The following ULK4 variants were observed in gnomAD, a reference collection of about 807,000 sequenced individuals.
The protein encoded by ULK4 is unc-51 like kinase 4.
In ULK4, 133 loss-of-function variants were observed where a neutral mutation model predicts 160.6. The ratio of observed to expected loss-of-function variants is 0.83; its 90% CI spans 0.72 to 0.96. The LOEUF (loss-of-function observed/expected upper bound fraction) is 0.96. Among genes scored for constraint, ULK4 ranks in the 40% least tolerant of loss-of-function variants. The pLI is 0.00. For missense variants in ULK4, 1,580 were observed against 1,499.5 expected (o/e 1.05, Z -0.89); for synonymous variants, 534 against 539.8 (o/e 0.99, Z 0.15).
chr3:41,574,699 T>C (rs879792413), intron 31 of ULK4, among the ~76,000 whole-genome samples: 9 of 151,964 alleles, frequency 5.9e-5, no homozygotes, highest in Non-Finnish European at 1.3e-4. Context: ...CTGCCCACCA[T>C]GCCTGGCTAA....
At chr3:41,922,987 C>A (rs1028388234) in intron 5 of ULK4, among the ~76,000 whole-genome samples, 1 of 151,850 alleles carries the variant, frequency 6.6e-6, no homozygotes, top group African/African-American at 2.4e-5. Flanking sequence ...GCCTGGCCAA[C>A]ATAGTGAAAC....
chr3:41,696,102 G>C (rs1575580062), intron 27 of ULK4, among the ~76,000 whole-genome samples: 1 of 152,144 alleles, frequency 6.6e-6, no homozygotes, highest in Non-Finnish European at 1.5e-5. Flanking sequence ...GAACGGGAAA[G>C]GCAATCTCCC....
At chr3:41,539,465 C>T (rs1292465470) in intron 32 of ULK4, among the ~76,000 whole-genome samples, 1 of 152,136 alleles carries the variant, frequency 6.6e-6, no homozygotes, top group African/African-American at 2.4e-5. Context: ...TGTTACCCTA[C>T]TACTCTCCAA....
rs1314386725 is a variant in ULK4, at chr3:41,646,983, A to G, written c.3071+16624T>C. Among the ~76,000 whole-genome samples the G allele has an allele frequency of 3.3e-5, 5 of 152,298 alleles. No individual in the cohort carries two copies. The East Asian group carries it at 9.7e-4, about 29-fold the overall frequency. ...GATACCCTTTCTTCCAGTTGATCGC[A>G]TCGGCTCCTGAGGCTTCTGCATTCT... On this transcript the variant is annotated intron_variant, in intron 30 of 36. Transcript: ENST00000301831.
Position 41,497,445 on chromosome 3 carries a change from G to A in ULK4, c.3227-34192C>T, listed in dbSNP as rs75494167. Reference sequence around the variant, plus strand: ...TATACATAATAATTGGGGTTCAAGAGGAAAAAGAAAGAATGGAAGAAAAAA... The same window carrying A: ...TATACATAATAATTGGGGTTCAAGAAGAAAAAGAAAGAATGGAAGAAAAAA... On this transcript the variant is annotated intron_variant, in intron 32 of 36. Transcript: ENST00000301831. Among the ~76,000 whole-genome samples, 20 of 151,878 alleles carry A rather than the reference G, an allele frequency of 1.3e-4. No individual in the cohort carries two copies. In the East Asian group the frequency reaches 3.5e-3, roughly 26 times the overall value.
chr3:41,904,109 G>A (rs1207780505), intron 12 of ULK4, among the ~76,000 whole-genome samples: 1 of 150,854 alleles, frequency 6.6e-6, no homozygotes, highest in Non-Finnish European at 1.5e-5. Flanking sequence ...TATATGTTTT[G>A]TAATAGAATA....
intron 32 of ULK4, among the ~76,000 whole-genome samples, chr3:41,492,494 T>C (rs1466484179): frequency 1.3e-5 from 2 of 150,376 alleles, no homozygotes; most frequent in African/African-American, 2.5e-5. Context: ...TAAAGACCAT[T>C]GAGACTAGGA....
intron 34 of ULK4, among the ~76,000 whole-genome samples, chr3:41,440,136 C>A (rs2083130678): frequency 6.6e-6 from 1 of 152,138 alleles, no homozygotes; most frequent in African/African-American, 2.4e-5. Context: ...ATCATGTCAT[C>A]TATGGATAAA....
chr3:41,838,278 G>A lies in ULK4; in HGVS notation c.1657-2307C>T, dbSNP rs180742696. On this transcript the variant is annotated intron_variant, in intron 17 of 36. Coordinates refer to ENST00000301831, the MANE Select transcript of ULK4 (RefSeq NM_017886.4). ...TATTAAGTTTTCTAAATTATCTTTC[G>A]TAGTTGAGCAAAAATTGTAAAAATG... is the stretch of plus-strand genomic sequence containing the variant. Among the ~76,000 whole-genome samples the A allele has an allele frequency of 4.1e-4, 62 of 152,214 alleles. 1 individual carries two copies. Among genetic ancestry groups the A allele is most frequent in the Admixed American group, 1.3e-3 (20 of 15,288 alleles).
intron 32 of ULK4, among the ~76,000 whole-genome samples, chr3:41,550,053 A>G (rs2087004684): frequency 6.6e-6 from 1 of 152,148 alleles, no homozygotes; most frequent in Admixed American, 6.5e-5. Context: ...CACACAAAAA[A>G]TGCTTAAAGG....
At chr3:41,793,144 G>C (rs755013280) in intron 20 of ULK4, among the ~76,000 whole-genome samples, 3 of 150,954 alleles carry the variant, frequency 2.0e-5, no homozygotes, top group African/African-American at 4.9e-5. Context: ...CTGCATTCCA[G>C]CCTGGGCAAC....
chr3:41,734,399 T>G (rs550435409), intron 22 of ULK4, among the ~76,000 whole-genome samples: 1 of 152,278 alleles, frequency 6.6e-6, no homozygotes, highest in East Asian at 1.9e-4. Context: ...ATGGGAGAGT[T>G]AGAAAGCATA....
intron 21 of ULK4, among the ~76,000 whole-genome samples, chr3:41,762,650 T>A (rs998143068): frequency 1.4e-5 from 2 of 145,586 alleles, no homozygotes; most frequent in Non-Finnish European, 3.0e-5. Context: ...CCAGGAAGTG[T>A]TACACTTTTT....
At chr3:41,889,576 A>G (rs1697842976) in intron 16 of ULK4, among the ~76,000 whole-genome samples, 1 of 152,184 alleles carries the variant, frequency 6.6e-6, no homozygotes. Flanking sequence ...AGAAACAATA[A>G]CAATTGGTAC....
At chr3:41,770,510 CTTTTTTTTT>C (rs560284136) in intron 21 of ULK4, among the ~76,000 whole-genome samples, 15 of 135,514 alleles carry the variant, frequency 1.1e-4, no homozygotes, top group African/African-American at 3.9e-4. Flanking sequence ...TAGAAAGATA[CTTTTTTTTT>C]TTTTTTTTGA....
intron 30 of ULK4, among the ~76,000 whole-genome samples, chr3:41,654,189 G>C (rs912874955): frequency 6.6e-6 from 1 of 152,122 alleles, no homozygotes; most frequent in Non-Finnish European, 1.5e-5. Flanking sequence ...TCTATTGCAA[G>C]GACAACATGT....
At chr3:41,646,412 T>C (rs2034492727) in intron 30 of ULK4, among the ~76,000 whole-genome samples, 1 of 152,240 alleles carries the variant, frequency 6.6e-6, no homozygotes, top group Non-Finnish European at 1.5e-5. Flanking sequence ...TGTCAGCATT[T>C]GCTTGTCTGT....
At chr3:41,432,019 C>T (rs2125847489) in intron 34 of ULK4, among the ~76,000 whole-genome samples, 1 of 152,154 alleles carries the variant, frequency 6.6e-6, no homozygotes, top group East Asian at 1.9e-4. Context: ...TCTCGATCTC[C>T]TGACCTCGTG....
chr3:41,292,606 C>T (rs2079592624), intron 35 of ULK4, among the ~76,000 whole-genome samples: 1 of 151,092 alleles, frequency 6.6e-6, no homozygotes, highest in African/African-American at 2.4e-5. Context: ...GAGATCATGC[C>T]ACTGCATTCC....
Sources: allele counts gnomAD v4.1 joint callset (sites outside exome capture counted in the v4.1 genomes callset), GRCh38; gene constraint gnomAD v4.1.1; transcripts MANE v1.5; gene names NCBI Gene and HGNC (gene_info 2026-07-23, HGNC 2026-07-21).